Variants in NGEF observed in about 807,000 individuals in gnomAD.
NGEF encodes the protein ephexin-1.
NGEF carries 31 observed loss-of-function variants against 80.9 expected under a neutral mutation model. That is an observed-to-expected ratio of 0.38 (90% CI 0.29 to 0.52). The LOEUF is 0.52. Among genes scored for constraint, NGEF ranks in the 20% least tolerant of loss-of-function variants. NGEF has a pLI of 0.84. For synonymous variants in NGEF, 371 were observed against 370.2 expected (o/e 1.00, Z -0.03); for missense variants, 709 against 926.2 (o/e 0.77, Z 3.04).
intron 3 of NGEF, among the ~76,000 whole-genome samples, chr2:232,930,456 A>G (rs1424802124): frequency 6.6e-6 from 1 of 151,984 alleles, no homozygotes; most frequent in Non-Finnish European, 1.5e-5. Flanking sequence ...AGCAGCTGGG[A>G]CTACAGGCAC....
chr2:232,980,224 ATGAATCAGTGTG>A (rs896514148), intron 1 of NGEF, among the ~76,000 whole-genome samples: 2 of 152,210 alleles, frequency 1.3e-5, no homozygotes, highest in Non-Finnish European at 2.9e-5. Flanking sequence ...ACTGGGCTGC[ATGAATCAGTGTG>A]TGAATCAGTG....
chr2:232,968,856 C>T (rs1390351699), intron 3 of NGEF, among the ~76,000 whole-genome samples: 1 of 152,112 alleles, frequency 6.6e-6, no homozygotes, highest in Non-Finnish European at 1.5e-5. Context: ...CTGGCTGGTG[C>T]CACGCCCTTC....
chr2:233,011,478 G>T (rs1047498666), intron 1 of NGEF, among the ~76,000 whole-genome samples: 4 of 151,896 alleles, frequency 2.6e-5, no homozygotes, highest in Non-Finnish European at 5.9e-5. Flanking sequence ...TGGGTGGTTA[G>T]GTTTGGTCTC....
intron 1 of NGEF, among the ~76,000 whole-genome samples, chr2:232,984,901 T>C (rs569980008): frequency 5.3e-5 from 8 of 152,182 alleles, no homozygotes; most frequent in Non-Finnish European, 1.0e-4. Context: ...GATCTGCCTA[T>C]CTGCACATAG....
At chr2:232,973,542 G>T (rs1381836008) in intron 2 of NGEF, among the ~76,000 whole-genome samples, 2 of 152,168 alleles carry the variant, frequency 1.3e-5, no homozygotes, top group Non-Finnish European at 2.9e-5. Flanking sequence ...GCCTCAAGAT[G>T]CCAGGCAGCT....
chr2:232,944,759 A>T (rs1001451643), intron 3 of NGEF, among the ~76,000 whole-genome samples: 1 of 129,342 alleles, frequency 7.7e-6, no homozygotes, highest in Non-Finnish European at 1.6e-5. Flanking sequence ...ATATATATAT[A>T]TATCTTTTTG....
At chr2:232,982,373 G>A (rs997769951) in intron 1 of NGEF, among the ~76,000 whole-genome samples, 1 of 152,130 alleles carries the variant, frequency 6.6e-6, no homozygotes, top group Non-Finnish European at 1.5e-5. Context: ...CAGGAAGATG[G>A]GGCTTATTGA....
At chr2:232,922,217 T>G (rs891449165) in intron 4 of NGEF, among the ~76,000 whole-genome samples, 1 of 152,200 alleles carries the variant, frequency 6.6e-6, no homozygotes, top group Non-Finnish European at 1.5e-5. Context: ...TCCTTCTTTA[T>G]CTAATTGTTA....
At chr2:233,009,847 C>G (rs530788454) in intron 1 of NGEF, among the ~76,000 whole-genome samples, 18 of 152,232 alleles carry the variant, frequency 1.2e-4, no homozygotes, top group African/African-American at 4.3e-4. Context: ...CTCTGGGGTC[C>G]TGGCATCTTG....
chr2:232,926,809 C>T (rs1377362624), intron 4 of NGEF, among the ~76,000 whole-genome samples: 1 of 152,208 alleles, frequency 6.6e-6, no homozygotes, highest in Admixed American at 6.5e-5. Flanking sequence ...ATAGACCTCT[C>T]CGCAGAGAGC....
Position 232,885,370 on chromosome 2 carries a change from C to G in NGEF, c.1348-1G>C. On this transcript the variant is annotated splice_acceptor_variant, in intron 9 of 14. Coordinates refer to ENST00000264051, the MANE Select transcript of NGEF (RefSeq NM_019850.3). LOFTEE classifies it high-confidence loss of function. Reference sequence around the variant, plus strand: ...CGCCCTCGTTGCATGCCTTCACCACCTGGGACAAGAAGGAGGGCACATCAG... The same window carrying G: ...CGCCCTCGTTGCATGCCTTCACCACGTGGGACAAGAAGGAGGGCACATCAG... 1 of 1,613,942 alleles carries G rather than the reference C, an allele frequency of 6.2e-7. No homozygotes were observed. The highest frequency in any genetic ancestry group is 8.5e-7 in the Non-Finnish European group (1 of 1,179,862).
At chr2:232,911,377 T>C (rs1270733309) in intron 5 of NGEF, among the ~76,000 whole-genome samples, 1 of 152,216 alleles carries the variant, frequency 6.6e-6, no homozygotes, top group Non-Finnish European at 1.5e-5. Flanking sequence ...GTGTCTGTAA[T>C]TTCATGAATA....
intron 4 of NGEF, among the ~76,000 whole-genome samples, chr2:232,925,343 G>A (rs1693038010): frequency 6.6e-6 from 1 of 152,222 alleles, no homozygotes; most frequent in South Asian, 2.1e-4. Context: ...GGCGGGGGCA[G>A]CCCTGGGCTG....
intron 1 of NGEF, among the ~76,000 whole-genome samples, chr2:233,000,112 T>G (rs1435393164): frequency 6.6e-6 from 1 of 152,132 alleles, no homozygotes; most frequent in African/African-American, 2.4e-5. Context: ...CTGCCTTCTC[T>G]CTATGTCCTC....
chr2:232,937,847 G>A (rs1324709391), intron 3 of NGEF, among the ~76,000 whole-genome samples: 3 of 152,202 alleles, frequency 2.0e-5, no homozygotes, highest in African/African-American at 4.8e-5. Context: ...TGGCTTCTGC[G>A]ATTGGTGCCT....
At chr2:232,969,337 T>G (rs1694133853) in intron 3 of NGEF, among the ~76,000 whole-genome samples, 1 of 151,936 alleles carries the variant, frequency 6.6e-6, no homozygotes, top group African/African-American at 2.4e-5. Context: ...CTCAAAATCC[T>G]GGGCTCAAAC....
intron 1 of NGEF, among the ~76,000 whole-genome samples, chr2:232,988,476 T>A (rs1025990419): frequency 1.3e-5 from 2 of 152,096 alleles, no homozygotes; most frequent in Non-Finnish European, 2.9e-5. Context: ...GTTTGAAGAG[T>A]GATTGGTGCA....
At chr2:232,978,578 A>G (rs890756954) in intron 1 of NGEF, among the ~76,000 whole-genome samples, 1 of 152,156 alleles carries the variant, frequency 6.6e-6, no homozygotes, top group African/African-American at 2.4e-5. Flanking sequence ...ATTAGTTTTG[A>G]CAAACACATT....
chr2:232,915,187 A>G (rs921308866), intron 5 of NGEF, among the ~76,000 whole-genome samples: 1 of 152,060 alleles, frequency 6.6e-6, no homozygotes, highest in East Asian at 1.9e-4. Context: ...GGTTACTGGT[A>G]TATTTTTGTG....
Sources: allele counts gnomAD v4.1 joint callset (sites outside exome capture counted in the v4.1 genomes callset), GRCh38; gene constraint gnomAD v4.1.1; transcripts MANE v1.5; gene names NCBI Gene and HGNC (gene_info 2026-07-23, HGNC 2026-07-21).